Variants in RABGAP1L observed in about 807,000 individuals in gnomAD.
RABGAP1L encodes rab GTPase-activating protein 1-like.
A neutral mutation model predicts 137.7 loss-of-function variants in RABGAP1L; 63 were observed. That is an observed-to-expected ratio of 0.46 (90% CI 0.37 to 0.56). The LOEUF (loss-of-function observed/expected upper bound fraction) is 0.56, where lower values mean the gene tolerates loss of function less well. Among genes scored for constraint, RABGAP1L ranks in the 20% least tolerant of loss-of-function variants. The probability of loss-of-function intolerance (pLI) is 0.00; values close to 1 mark genes in which losing one functional copy is unlikely to be tolerated. For missense variants in RABGAP1L, 1,095 were observed against 1,244.0 expected (o/e 0.88, Z 1.80); for synonymous variants, 431 against 433.7 (o/e 0.99, Z 0.08).
chr1:174,800,094 G>GT, intron 18 of RABGAP1L: 1 of 1,311,428 alleles, frequency 7.6e-7, no homozygotes, highest in Non-Finnish European at 9.7e-7. Context: ...TGCTTTTGCC[G>GT]TTTTTTATTT....
chr1:174,599,365 A>G (rs986714067), intron 13 of RABGAP1L, among the ~76,000 whole-genome samples: 5 of 152,230 alleles, frequency 3.3e-5, no homozygotes, highest in African/African-American at 4.8e-5. Flanking sequence ...AGATATAAGT[A>G]GTTTACAGAC....
chr1:174,486,239 TG>T (rs1157082675), intron 13 of RABGAP1L, among the ~76,000 whole-genome samples: 49 of 134,548 alleles, frequency 3.6e-4, no homozygotes, highest in East Asian at 2.7e-3. Flanking sequence ...TTTTTTTTTT[TG>T]TCTGGCTAAA....
intron 19 of RABGAP1L, among the ~76,000 whole-genome samples, chr1:174,868,180 A>G (rs1163607029): frequency 6.6e-6 from 1 of 151,718 alleles, no homozygotes; most frequent in Non-Finnish European, 1.5e-5. Flanking sequence ...GCTGGTCTCG[A>G]ACTCCTGACC....
At chr1:174,327,980 C>CACACATATATATATATATATATATAT (rs1680620026) in intron 11 of RABGAP1L, among the ~76,000 whole-genome samples, 1 of 105,940 alleles carries the variant, frequency 9.4e-6, no homozygotes, top group Non-Finnish European at 1.8e-5. Flanking sequence ...TATATATATA[C>CACACATATATATATATATATATATAT]ACACACATAT....
chr1:174,611,986 T>A (rs2148215762), intron 13 of RABGAP1L, among the ~76,000 whole-genome samples: 1 of 152,344 alleles, frequency 6.6e-6, no homozygotes, highest in East Asian at 1.9e-4. Flanking sequence ...AGATATACAA[T>A]CATGTCATCT....
chr1:174,528,958 T>C (rs1254688350), intron 13 of RABGAP1L, among the ~76,000 whole-genome samples: 2 of 151,524 alleles, frequency 1.3e-5, no homozygotes, highest in African/African-American at 4.8e-5. Context: ...TCTACTCTTT[T>C]GTTGAAGCTG....
chr1:174,270,704 A>T (rs1184767720), intron 7 of RABGAP1L, among the ~76,000 whole-genome samples: 1 of 152,148 alleles, frequency 6.6e-6, no homozygotes, highest in Non-Finnish European at 1.5e-5. Flanking sequence ...TGTTAGCATT[A>T]TTTCCTAAGG....
chr1:174,206,444 G>A (rs1279094576), intron 1 of RABGAP1L, among the ~76,000 whole-genome samples: 1 of 152,052 alleles, frequency 6.6e-6, no homozygotes, highest in Non-Finnish European at 1.5e-5. Context: ...ATTTTGGTTG[G>A]CAAATGTTGT....
chr1:174,404,586 G>C (rs1649038931), intron 13 of RABGAP1L, among the ~76,000 whole-genome samples: 1 of 152,132 alleles, frequency 6.6e-6, no homozygotes, highest in South Asian at 2.1e-4. Flanking sequence ...ATCTAGGGTT[G>C]ATGTAATAAG....
chr1:174,428,434 A>T (rs2149187641), intron 13 of RABGAP1L, among the ~76,000 whole-genome samples: 2 of 152,326 alleles, frequency 1.3e-5, no homozygotes, highest in African/African-American at 4.8e-5. Context: ...GAATCTTATT[A>T]TTAACTTTAT....
chr1:174,744,187 C>A (rs170778), intron 17 of RABGAP1L, among the ~76,000 whole-genome samples: 3 of 146,598 alleles, frequency 2.0e-5, no homozygotes, highest in African/African-American at 7.5e-5. Flanking sequence ...ACATCACATT[C>A]TTTTATTTAG....
At chr1:174,818,711 A>G (rs1690694087) in intron 19 of RABGAP1L, among the ~76,000 whole-genome samples, 1 of 152,076 alleles carries the variant, frequency 6.6e-6, no homozygotes, top group African/African-American at 2.4e-5. Context: ...CCCCATCTCT[A>G]CAAAATATTT....
intron 11 of RABGAP1L, among the ~76,000 whole-genome samples, chr1:174,320,120 C>A (rs900987555): frequency 1.3e-5 from 2 of 151,980 alleles, no homozygotes; most frequent in African/African-American, 2.4e-5. Flanking sequence ...ACAGAATGAA[C>A]GTATTTTGAG....
At chr1:174,632,507 C>T (rs969512137) in intron 13 of RABGAP1L, among the ~76,000 whole-genome samples, 9 of 150,612 alleles carry the variant, frequency 6.0e-5, no homozygotes, top group Non-Finnish European at 8.9e-5. Flanking sequence ...TGGTTCCATT[C>T]TCTGCATCAC....
intron 17 of RABGAP1L, among the ~76,000 whole-genome samples, chr1:174,719,879 G>A (rs527848718): frequency 6.7e-4 from 102 of 152,198 alleles, no homozygotes; most frequent in Middle Eastern, 3.4e-3. Context: ...TAATATATAT[G>A]TACTTTAGAA....
intron 1 of RABGAP1L, among the ~76,000 whole-genome samples, chr1:174,174,829 C>T (rs560783399): frequency 1.3e-5 from 2 of 152,260 alleles, no homozygotes; most frequent in South Asian, 2.1e-4. Context: ...GGTGCCTGCC[C>T]ACACTGGGTA....
intron 7 of RABGAP1L, among the ~76,000 whole-genome samples, chr1:174,261,222 G>T (rs1673554985): frequency 6.6e-6 from 1 of 152,050 alleles, no homozygotes; most frequent in Non-Finnish European, 1.5e-5. Flanking sequence ...TGAGTAACAT[G>T]GGCCAACACT....
At chr1:174,984,456 T>C (rs1358609964) in intron 24 of RABGAP1L, among the ~76,000 whole-genome samples, 2 of 152,164 alleles carry the variant, frequency 1.3e-5, no homozygotes, top group African/African-American at 4.8e-5. Context: ...GGGAGCTAAG[T>C]TGGGCCAGGT....
chr1:174,443,011 C>T (rs1390235383), intron 13 of RABGAP1L, among the ~76,000 whole-genome samples: 2 of 152,094 alleles, frequency 1.3e-5, no homozygotes, highest in African/African-American at 4.8e-5. Context: ...AACATAATGT[C>T]CTCCAGTTCC....
Sources: allele counts gnomAD v4.1 joint callset (sites outside exome capture counted in the v4.1 genomes callset), GRCh38; gene constraint gnomAD v4.1.1; transcripts MANE v1.5; gene names NCBI Gene and HGNC (gene_info 2026-07-23, HGNC 2026-07-21).